SUMF1: variants seen among roughly 807,000 people sequenced by gnomAD.
SUMF1 encodes sulfatase modifying factor 1, also known as formylglycine-generating enzyme.
In SUMF1, 48 loss-of-function variants were observed where a neutral mutation model predicts 47.6. That is an observed-to-expected ratio of 1.01 (90% CI 0.80 to 1.28). The LOEUF (loss-of-function observed/expected upper bound fraction) is 1.28. Ranked by LOEUF, SUMF1 falls within the 50% of genes most tolerant of loss-of-function variation. The pLI is 0.00. For synonymous variants in SUMF1, 230 were observed against 192.1 expected (o/e 1.20, Z -1.63); for missense variants, 571 against 485.4 (o/e 1.18, Z -1.66).
intron 8 of SUMF1, among the ~76,000 whole-genome samples, chr3:4,151,556 T>TAC (rs35911373): frequency 0.31 from 42,420 of 136,984 alleles, 6,697 homozygotes; most frequent in Non-Finnish European, 0.36. Flanking sequence ...TGTGTGTATA[T>TAC]ACACACACAC....
At chr3:4,114,301 C>T (rs17039930) in intron 8 of SUMF1, among the ~76,000 whole-genome samples, 1 of 151,912 alleles carries the variant, frequency 6.6e-6, no homozygotes, top group Non-Finnish European at 1.5e-5. Context: ...CTATCACACC[C>T]CTATGTCATC....
intron 8 of SUMF1, among the ~76,000 whole-genome samples, chr3:4,102,545 G>C (rs1162517100): frequency 6.6e-6 from 1 of 152,092 alleles, no homozygotes; most frequent in African/African-American, 2.4e-5. Flanking sequence ...AGCTTTCTTT[G>C]CTGAGGTCTT....
chr3:4,404,965 C>T (rs761294809), intron 7 of SUMF1, among the ~76,000 whole-genome samples: 2 of 152,042 alleles, frequency 1.3e-5, no homozygotes, highest in Non-Finnish European at 2.9e-5. Context: ...TGATATTTAC[C>T]GGTTTTTGCC....
At chr3:4,285,442 T>C (rs1366670135) in intron 8 of SUMF1, among the ~76,000 whole-genome samples, 1 of 152,046 alleles carries the variant, frequency 6.6e-6, no homozygotes, top group Admixed American at 6.5e-5. Flanking sequence ...CTCTCTAGAG[T>C]TTATGAATTT....
At chr3:4,185,704 T>C (rs963930100) in intron 8 of SUMF1, among the ~76,000 whole-genome samples, 2 of 152,204 alleles carry the variant, frequency 1.3e-5, no homozygotes, top group Non-Finnish European at 2.9e-5. Context: ...AGATCAATTG[T>C]AATAAATGCT....
At chr3:4,036,558 A>G (rs889953867) in intron 9 of SUMF1, among the ~76,000 whole-genome samples, 1 of 150,908 alleles carries the variant, frequency 6.6e-6, no homozygotes, top group African/African-American at 2.4e-5. Context: ...CTGCAGGAGG[A>G]GTTTTCTCAC....
chr3:4,415,224 C>A (rs1701672046), intron 6 of SUMF1, among the ~76,000 whole-genome samples: 1 of 96,798 alleles, frequency 1.0e-5, no homozygotes. Flanking sequence ...AAGACTCCAT[C>A]TCAAAAAAAA....
chr3:4,163,333 T>G (rs1694621752), intron 8 of SUMF1, among the ~76,000 whole-genome samples: 1 of 103,226 alleles, frequency 9.7e-6, no homozygotes, highest in Admixed American at 1.2e-4. Flanking sequence ...TTCATGCAGA[T>G]GAGAGAGAGA....
intron 8 of SUMF1, among the ~76,000 whole-genome samples, chr3:4,078,152 C>A (rs1692480255): frequency 6.6e-6 from 1 of 152,046 alleles, no homozygotes; most frequent in South Asian, 2.1e-4. Flanking sequence ...AATATGACCT[C>A]AAAATCTTTT....
chr3:4,215,318 C>G (rs1481445999), intron 8 of SUMF1, among the ~76,000 whole-genome samples: 2 of 152,138 alleles, frequency 1.3e-5, no homozygotes, highest in African/African-American at 4.8e-5. Context: ...TCAATAGATG[C>G]AGAAAAGGTC....
At chr3:4,341,406 C>T (rs943723414) in intron 8 of SUMF1, among the ~76,000 whole-genome samples, 1 of 152,002 alleles carries the variant, frequency 6.6e-6, no homozygotes, top group Non-Finnish European at 1.5e-5. Flanking sequence ...AATTTTCAGG[C>T]TTTAACTTGT....
intron 8 of SUMF1, among the ~76,000 whole-genome samples, chr3:4,270,963 G>C (rs1224136582): frequency 6.6e-6 from 1 of 152,190 alleles, no homozygotes; most frequent in Non-Finnish European, 1.5e-5. Flanking sequence ...TATGCTATTT[G>C]TGAAGGCAAC....
At chr3:4,211,121 T>TATATATATATATATATATATATATAC (rs150373609) in intron 8 of SUMF1, among the ~76,000 whole-genome samples, 13 of 128,310 alleles carry the variant, frequency 1.0e-4, no homozygotes, top group South Asian at 7.8e-4. Context: ...TATATATATA[T>TATATATATATATATATATATATATAC]ACACACACAC....
intron 9 of SUMF1, among the ~76,000 whole-genome samples, chr3:4,051,558 G>A (rs1344372349): frequency 6.6e-6 from 1 of 152,180 alleles, no homozygotes; most frequent in Non-Finnish European, 1.5e-5. Flanking sequence ...AGAAGCACAT[G>A]TTAAAGTTGT....
chr3:4,038,111 G>A (rs1002352118), intron 9 of SUMF1, among the ~76,000 whole-genome samples: 3 of 152,124 alleles, frequency 2.0e-5, no homozygotes, highest in East Asian at 1.9e-4. Flanking sequence ...GCCCACCACC[G>A]CTGCAGGGTG....
At chr3:4,149,577 C>G (rs765926001) in intron 8 of SUMF1, among the ~76,000 whole-genome samples, 1 of 152,144 alleles carries the variant, frequency 6.6e-6, no homozygotes, top group Non-Finnish European at 1.5e-5. Flanking sequence ...TTAGGAATTT[C>G]TTCCTCAGAC....
At chr3:4,410,030 T>C (rs1281893238) in intron 7 of SUMF1, among the ~76,000 whole-genome samples, 1 of 152,230 alleles carries the variant, frequency 6.6e-6, no homozygotes, top group African/African-American at 2.4e-5. Flanking sequence ...GTAACCAGTC[T>C]AGCTAGTTTG....
chr3:4,182,103 C>T (rs1300499314), intron 8 of SUMF1, among the ~76,000 whole-genome samples: 3 of 152,056 alleles, frequency 2.0e-5, no homozygotes, highest in African/African-American at 4.8e-5. Flanking sequence ...TCAAAGGCTG[C>T]CCTAGAGATT....
rs138164138 is a variant in SUMF1, at chr3:4,198,731, T to C, written c.1015-129986A>G. Among the ~76,000 whole-genome samples, 460 of 152,160 alleles carry C rather than the reference T, an allele frequency of 3.0e-3. 3 individuals carry two copies. The highest frequency in any genetic ancestry group is 0.01 in the African/African-American group (434 of 41,540). On this transcript the variant is annotated intron_variant and NMD_transcript_variant, in intron 8 of 12. Coordinates refer to the SUMF1 transcript ENST00000448413. ...GGGGAGCCTACCTCAGAAGCCTCAC[T>C]CAACCCTCTCCCGCTGAGTCTCACC...
Sources: allele counts gnomAD v4.1 joint callset (sites outside exome capture counted in the v4.1 genomes callset), GRCh38; gene constraint gnomAD v4.1.1; transcripts MANE v1.5; gene names NCBI Gene and HGNC (gene_info 2026-07-23, HGNC 2026-07-21).